Variants in ZRANB3 observed in about 807,000 individuals in gnomAD.
The protein encoded by ZRANB3 is DNA annealing helicase and endonuclease ZRANB3.
In ZRANB3, 125 loss-of-function variants were observed where a neutral mutation model predicts 133.8. The observed-to-expected ratio is 0.93, with a 90% CI of 0.81 to 1.08. The LOEUF (loss-of-function observed/expected upper bound fraction) is 1.08. ZRANB3 is among the 50% of genes least tolerant of loss of function. The pLI is 0.00. For synonymous variants in ZRANB3, 387 were observed against 432.7 expected, an observed-to-expected ratio of 0.89 and a Z score of 1.31; for missense variants, 1,229 against 1,275.5, an observed-to-expected ratio of 0.96 and a Z score of 0.56.
At chr2:135,295,531 A>G (rs1264583444) in intron 8 of ZRANB3, among the ~76,000 whole-genome samples, 1 of 152,216 alleles carries the variant, frequency 6.6e-6, no homozygotes, top group Non-Finnish European at 1.5e-5. Context: ...CTCTTTATCC[A>G]ATTTGCCAGT....
intron 20 of ZRANB3, among the ~76,000 whole-genome samples, chr2:135,202,116 TCTG>T (rs771912864): frequency 1.3e-5 from 2 of 152,206 alleles, no homozygotes; most frequent in East Asian, 3.8e-4. Flanking sequence ...ACAGTAGAGA[TCTG>T]CTCAATAGAA....
chr2:135,390,442 C>T (rs1687172666), intron 3 of ZRANB3, among the ~76,000 whole-genome samples: 1 of 152,100 alleles, frequency 6.6e-6, no homozygotes, highest in African/African-American at 2.4e-5. Flanking sequence ...AAACAATAAA[C>T]AATAACCTTT....
At chr2:135,363,123 A>C (rs1383699361) in intron 3 of ZRANB3, among the ~76,000 whole-genome samples, 1 of 152,232 alleles carries the variant, frequency 6.6e-6, no homozygotes, top group African/African-American at 2.4e-5. Flanking sequence ...GACAAAAAGA[A>C]GTGATAATCT....
intron 8 of ZRANB3, among the ~76,000 whole-genome samples, chr2:135,276,968 ATAATAGG>A (rs1558881068): frequency 1.3e-5 from 2 of 152,220 alleles, no homozygotes; most frequent in African/African-American, 4.8e-5. Flanking sequence ...CCTATTCCAT[ATAATAGG>A]TAACTACCAT....
chr2:135,219,023 T>A, intron 16 of ZRANB3, 54 bp downstream of exon 16: 1 of 1,201,622 alleles, frequency 8.3e-7, no homozygotes. Flanking sequence ...TTAAAATTAC[T>A]AAAACAAGTT....
intron 6 of ZRANB3, among the ~76,000 whole-genome samples, chr2:135,328,906 G>T (rs1363548015): frequency 1.3e-5 from 2 of 151,990 alleles, no homozygotes; most frequent in African/African-American, 4.8e-5. Context: ...TTTTGGCTGG[G>T]GTTGATTTTT....
At chr2:135,364,687 G>C (rs148111248) in intron 3 of ZRANB3, among the ~76,000 whole-genome samples, 1 of 152,140 alleles carries the variant, frequency 6.6e-6, no homozygotes, top group Admixed American at 6.5e-5. Flanking sequence ...GGGAGGCGAA[G>C]GTTGCAGTGA....
chr2:135,243,978 A>G (rs1239099997), intron 12 of ZRANB3, among the ~76,000 whole-genome samples: 1 of 151,752 alleles, frequency 6.6e-6, no homozygotes, highest in Non-Finnish European at 1.5e-5. Flanking sequence ...GCATAGCTAT[A>G]TATATAAAAT....
At chr2:135,515,178 T>C (rs1693649392) in intron 1 of ZRANB3, among the ~76,000 whole-genome samples, 2 of 152,178 alleles carry the variant, frequency 1.3e-5, no homozygotes, top group South Asian at 4.1e-4. Flanking sequence ...AGTCCCTCTT[T>C]TTCTACTGTT....
At chr2:135,306,820 C>G (rs942577964) in intron 8 of ZRANB3, among the ~76,000 whole-genome samples, 11 of 151,630 alleles carry the variant, frequency 7.3e-5, no homozygotes, top group African/African-American at 2.7e-4. Context: ...GAACTCCTGA[C>G]CTCAAGTGAT....
chr2:135,479,257 C>T (rs1011502657), intron 2 of ZRANB3, among the ~76,000 whole-genome samples: 2 of 152,130 alleles, frequency 1.3e-5, no homozygotes, highest in African/African-American at 4.8e-5. Context: ...GCTAGAGAAT[C>T]GTAGAAGGGT....
intron 14 of ZRANB3, among the ~76,000 whole-genome samples, chr2:135,224,877 T>A (rs1214752106): frequency 1.3e-5 from 2 of 152,194 alleles, no homozygotes; most frequent in African/African-American, 2.4e-5. Flanking sequence ...TAGAGTAGAT[T>A]TGAGACCGAA....
At chr2:135,272,437 C>G (rs1470045527) in intron 9 of ZRANB3, among the ~76,000 whole-genome samples, 1 of 79,540 alleles carries the variant, frequency 1.3e-5, no homozygotes, top group African/African-American at 1.3e-4. Flanking sequence ...TTTTTTGTGA[C>G]GGAGTCTTGC....
At chr2:135,256,551 C>A (rs982545992) in intron 12 of ZRANB3, among the ~76,000 whole-genome samples, 4 of 152,228 alleles carry the variant, frequency 2.6e-5, no homozygotes, top group African/African-American at 9.6e-5. Context: ...TGGCCTCGAA[C>A]TCCCAACCTC....
At chr2:135,403,027 C>A (rs138147250) in intron 2 of ZRANB3, among the ~76,000 whole-genome samples, 1 of 152,106 alleles carries the variant, frequency 6.6e-6, no homozygotes, top group South Asian at 2.1e-4. Context: ...CCAGTGTGGG[C>A]GACGCAGAAG....
At chr2:135,268,315 C>T (rs1680342870) in intron 11 of ZRANB3, among the ~76,000 whole-genome samples, 1 of 152,114 alleles carries the variant, frequency 6.6e-6, no homozygotes, top group Admixed American at 6.6e-5. Flanking sequence ...CAGGCACCTG[C>T]TACCATGCCC....
chr2:135,316,625 C>G (rs1683264833), intron 6 of ZRANB3, among the ~76,000 whole-genome samples: 1 of 152,142 alleles, frequency 6.6e-6, no homozygotes, highest in Non-Finnish European at 1.5e-5. Context: ...TTAACATTAG[C>G]TTTTTAAAAA....
intron 3 of ZRANB3, among the ~76,000 whole-genome samples, chr2:135,361,069 C>T (rs1313164447): frequency 3.3e-5 from 5 of 152,192 alleles, no homozygotes; most frequent in East Asian, 1.9e-4. Context: ...CGTGAGCCAC[C>T]GCACTTGGCC....
At chr2:135,377,317 C>T (rs984904994) in intron 3 of ZRANB3, among the ~76,000 whole-genome samples, 2 of 152,108 alleles carry the variant, frequency 1.3e-5, no homozygotes, top group Admixed American at 1.3e-4. Context: ...ATATAATCTC[C>T]TTGCTCTATA....
Sources: gnomAD v4.1 joint callset for allele counts (sites outside exome capture counted in the v4.1 genomes callset) on GRCh38, gnomAD v4.1.1 for gene constraint, MANE v1.5 for transcripts, NCBI Gene and HGNC (gene_info 2026-07-23, HGNC 2026-07-21) for gene names.